The following TMCO6 variants were observed in gnomAD, a reference collection of about 807,000 sequenced individuals.
TMCO6 encodes transmembrane and coiled-coil domains 6, also known as transmembrane and coiled-coil domain-containing protein 6.
A neutral mutation model predicts 61.8 loss-of-function variants in TMCO6; 47 were observed. The ratio of observed to expected loss-of-function variants is 0.76; its 90% CI spans 0.60 to 0.97. The LOEUF is 0.97. Among genes scored for constraint, TMCO6 ranks in the 50% least tolerant of loss-of-function variants. TMCO6 has a pLI of 0.00. For synonymous variants in TMCO6, 261 were observed against 254.2 expected (o/e 1.03, Z -0.25); for missense variants, 557 against 601.6 (o/e 0.93, Z 0.78).
chr5:140,642,728 T>C (rs997191689), intron 6 of TMCO6, 57 bp downstream of exon 6: 1 of 1,590,600 alleles, frequency 6.3e-7, no homozygotes, highest in African/African-American at 1.3e-5. Context: ...GTAGTATAGC[T>C]CCCGGATGCC....
chr5:140,609,853 C>T, the TMCO6 span, among the ~76,000 whole-genome samples: 1 of 151,876 alleles, frequency 6.6e-6, no homozygotes, highest in Non-Finnish European at 1.5e-5. Flanking sequence ...ATTCTTTTTG[C>T]TGCTGTTGCA....
the TMCO6 span, among the ~76,000 whole-genome samples, chr5:140,634,256 T>A: frequency 7.2e-5 from 11 of 152,156 alleles, no homozygotes; most frequent in African/African-American, 2.2e-4. Flanking sequence ...ACAATCTCTG[T>A]GCCCTAGGAA....
chr5:140,627,832 G>C, the TMCO6 span, among the ~76,000 whole-genome samples: 2 of 151,246 alleles, frequency 1.3e-5, no homozygotes, highest in African/African-American at 4.9e-5. Context: ...GGAGGCAGAG[G>C]TTGCAGTGAG....
At chr5:140,638,187 C>T (rs929011800), upstream of TMCO6, among the ~76,000 whole-genome samples, 2 of 152,202 alleles carry the variant, frequency 1.3e-5, no homozygotes, top group South Asian at 4.1e-4. Flanking sequence ...GCAAGTCCTG[C>T]CCCTGTACCC....
the TMCO6 span, among the ~76,000 whole-genome samples, chr5:140,630,402 G>T: frequency 2.4e-4 from 37 of 152,070 alleles, no homozygotes; most frequent in African/African-American, 8.7e-4. Context: ...ATAGACTGGT[G>T]GCTTAACCAA....
intron 5 of TMCO6, 61 bp downstream of exon 5, chr5:140,642,480 A>G: frequency 1.1e-5 from 17 of 1,603,512 alleles, no homozygotes; most frequent in Non-Finnish European, 1.5e-5. Flanking sequence ...TGCTCCATCT[A>G]CTTTGGTTAG....
intron 7 of TMCO6, 142 bp from the exon 8 acceptor site, chr5:140,643,422 C>T: frequency 2.5e-6 from 2 of 794,458 alleles, no homozygotes; most frequent in Non-Finnish European, 4.3e-6. Context: ...GTCTCAAACT[C>T]CTGACCTCAG....
Position 140,642,959 on chromosome 5 carries a change from C to T in TMCO6, c.724C>T (p.Leu242=), listed in dbSNP as rs1757137215. 6.2e-7 allele frequency: 1 copy of T among 1,614,084 alleles called. No individual in the cohort carries two copies. Among genetic ancestry groups the T allele is most frequent in the Admixed American group, 1.7e-5 (1 of 60,000 alleles). ...ILASTLPQHM[L]QMLQPGPKLN... ...GGCCTCCACTCTCCCTCAGCACATG[C>T]TACAAATGTTGCAACCTGGCCCAAA... The change falls in exon 7 of 12, where the codon CTA becomes TTA. Residue 242 remains leucine, a synonymous_variant. Coordinates refer to ENST00000394671, the MANE Select transcript of TMCO6 (RefSeq NM_018502.5).
chr5:140,631,066 A>G, the TMCO6 span, among the ~76,000 whole-genome samples: 16 of 152,222 alleles, frequency 1.1e-4, no homozygotes, highest in African/African-American at 3.4e-4. Flanking sequence ...CTATTTGCCA[A>G]TCAGTCAGCC....
the TMCO6 span, chr5:140,633,523 C>T: frequency 4.3e-6 from 1 of 233,802 alleles, no homozygotes; most frequent in Non-Finnish European, 8.6e-6. Context: ...ACCCCCCAAT[C>T]CCCCTACCTT....
At position 140,645,229 on chromosome 5, in the gene TMCO6, G is replaced by C; in HGVS notation, c.*131G>C. 2 of 914,594 alleles carry C rather than the reference G, an allele frequency of 2.2e-6. No homozygotes were observed. Among genetic ancestry groups the C allele is most frequent in the Admixed American group, 4.4e-5 (2 of 45,758 alleles). 56.7% of individuals were successfully genotyped at this position (914,594 alleles called of 1,614,324 possible). A position where few individuals can be genotyped will look rare whatever the true frequency, so the allele number is the denominator to read the frequency against. ...CTCCCACACCTAAGCCAAGACCTTT[G>C]GGTCCCAGCTCCTCCCCTTCCACTC... is the stretch of plus-strand genomic sequence containing the variant. On this transcript the variant is annotated 3_prime_UTR_variant, in exon 12 of 12. Transcript: ENST00000394671.
At chr5:140,632,432 G>T in the TMCO6 span, 5 of 1,614,242 alleles carry the variant, frequency 3.1e-6, no homozygotes, top group East Asian at 8.9e-5. This position sits in a 1 kb window ranked among gnomAD's most constrained non-coding sequence, Gnocchi z 6.2. Flanking sequence ...CGCAGGAAAA[G>T]GCAGGCGAGT....
At chr5:140,647,459 C>T, downstream of TMCO6, 13 of 1,610,554 alleles carry the variant, frequency 8.1e-6, no homozygotes, top group East Asian at 2.2e-5. Flanking sequence ...CGAAGCCCGC[C>T]CGCCTCACCA....
chr5:140,600,004 T>C, the TMCO6 span, among the ~76,000 whole-genome samples: 1 of 152,106 alleles, frequency 6.6e-6, no homozygotes, highest in African/African-American at 2.4e-5. Flanking sequence ...AAAAAGTCTA[T>C]CTGCTTGGAA....
Position 140,644,100 on chromosome 5 carries a change from C to T in TMCO6, c.1106C>T (p.Ala369Val). ...TTTCACCCTGGTACTTCTCTTCCAGCAAACAGTCCTAGTTTCTGTACCTCC... is the reference window on the plus strand; with the variant it reads ...TTTCACCCTGGTACTTCTCTTCCAGTAAACAGTCCTAGTTTCTGTACCTCC... ...EGLWLLNNLT[A>V]NSPSFCTSLL... The change falls in exon 10 of 12, where the codon GCA becomes GTA. Residue 369 changes from alanine (A) to valine (V), a missense_variant and splice_region_variant. Physicochemically the swap from Ala to Val is moderately conservative, Grantham distance 64. Transcript: ENST00000394671. The T allele has an allele frequency of 1.2e-6, 2 of 1,614,196 alleles. No individual in the cohort carries two copies. The highest frequency in any genetic ancestry group is 1.7e-6 in the Non-Finnish European group (2 of 1,179,998).
the TMCO6 span, among the ~76,000 whole-genome samples, chr5:140,611,689 G>T: frequency 6.6e-6 from 1 of 152,142 alleles, no homozygotes; most frequent in Admixed American, 6.5e-5. Flanking sequence ...TGGTTTGCTA[G>T]TGTTTTGTTG....
chr5:140,627,905 A>G, the TMCO6 span, among the ~76,000 whole-genome samples: 1 of 152,192 alleles, frequency 6.6e-6, no homozygotes, highest in Non-Finnish European at 1.5e-5. Context: ...CAAAAAATAA[A>G]AAAAACAAGT....
In TMCO6 at chr5:140,644,725, C is replaced by G; in HGVS notation, c.1353C>G (p.Phe451Leu). The change falls in exon 11 of 12, where the codon TTC becomes TTG. Residue 451 changes from phenylalanine (F) to leucine (L), a missense_variant. By Grantham distance (22) the Phe-to-Leu change is conservative. Coordinates refer to ENST00000394671, the MANE Select transcript of TMCO6 (RefSeq NM_018502.5). ...GTTTGGAGCTGCTGCATCTGCTGTT[C>G]CTGTATCAGCCAGAGGTATAGGTTT... ...GQSLELLHLLFLYQPEAVQVF... is the reference protein window; with the variant it reads ...GQSLELLHLLLLYQPEAVQVF... 2 of 1,614,232 alleles carry G rather than the reference C, an allele frequency of 1.2e-6. No individual in the cohort carries two copies. The highest frequency in any genetic ancestry group is 1.7e-6 in the Non-Finnish European group (2 of 1,180,034).
chr5:140,597,502 A>T, the TMCO6 span, among the ~76,000 whole-genome samples: 1 of 152,354 alleles, frequency 6.6e-6, no homozygotes, highest in East Asian at 1.9e-4. Context: ...TGGTATAACC[A>T]TATCATCCCT....
Sources: gnomAD v4.1 joint callset for allele counts (sites outside exome capture counted in the v4.1 genomes callset) on GRCh38, gnomAD v4.1.1 for gene constraint, Gnocchi (gnomAD v3.1) non-coding constraint, MANE v1.5 for transcripts, NCBI Gene and HGNC (gene_info 2026-07-23, HGNC 2026-07-21) for gene names.